SERAC1: variants seen among roughly 807,000 people sequenced by gnomAD.
SERAC1 encodes serine active site containing 1.
A neutral mutation model predicts 85.7 loss-of-function variants in SERAC1; 36 were observed. The observed-to-expected ratio is 0.42, with a 90% CI of 0.32 to 0.55. The LOEUF is 0.55. Among genes scored for constraint, SERAC1 ranks in the 20% least tolerant of loss-of-function variants. The pLI is 0.11. For synonymous variants in SERAC1, 242 were observed against 265.3 expected (o/e 0.91, Z 0.85); for missense variants, 629 against 796.2 (o/e 0.79, Z 2.53).
intron 8 of SERAC1, among the ~76,000 whole-genome samples, chr6:158,131,330 T>C (rs1226106493): frequency 2.7e-5 from 4 of 147,510 alleles, no homozygotes; most frequent in South Asian, 2.1e-4. Flanking sequence ...TTGTATAGTA[T>C]ATATTTACAT....
At position 158,120,992 on chromosome 6, in the gene SERAC1, T is replaced by C. The variant is rs1784406413; in HGVS notation, c.1016-417A>G. 6.6e-6 allele frequency among the ~76,000 whole-genome samples: 1 copy of C among 152,192 alleles called. No homozygotes were observed. The highest frequency in any genetic ancestry group is 1.5e-5 in the Non-Finnish European group (1 of 68,030). On this transcript the variant is annotated intron_variant, in intron 10 of 16. Transcript: ENST00000647468. The surrounding 1 kb of genome is among the most constrained non-coding windows in gnomAD (Gnocchi z 4.4). The stretch of plus-strand genomic sequence containing the variant: ...ACCAGCAATCAGTAATACCCTTTCA[T>C]ACAAATGAAGAAACTATTTCTTAAC...
chr6:158,129,531 G>GCACTAAAAC (rs1170838684), intron 9 of SERAC1, among the ~76,000 whole-genome samples: 1 of 152,136 alleles, frequency 6.6e-6, no homozygotes, highest in African/African-American at 2.4e-5. Flanking sequence ...TTTCCTGGGT[G>GCACTAAAAC]ATGTTTCTGC....
At chr6:158,164,693 G>T (rs966916207) in intron 1 of SERAC1, among the ~76,000 whole-genome samples, 2 of 152,112 alleles carry the variant, frequency 1.3e-5, no homozygotes, top group African/African-American at 4.8e-5. Flanking sequence ...CCCTGGTGGA[G>T]GAAGCCAGAG....
At chr6:158,166,519 G>T (rs4710002) in intron 1 of SERAC1, among the ~76,000 whole-genome samples, 48,367 of 151,868 alleles carry the variant, frequency 0.32, 8,078 homozygotes, top group Admixed American at 0.45. Context: ...GTTCAGCATG[G>T]CAAATTCCAT....
At position 158,168,152 on chromosome 6, in the gene SERAC1, G is replaced by T. The variant is rs552925418; in HGVS notation, c.-14C>A. On this transcript the variant is annotated 5_prime_UTR_variant, in exon 1 of 17. Coordinates refer to ENST00000647468, the MANE Select transcript of SERAC1 (RefSeq NM_032861.4). ...CTTCACGTCCTACCTGCCGGCAGGC[G>T]GACTCAGCCCGTGCCCAACTGCTCG... The T allele has an allele frequency of 1.3e-5, 2 of 151,990 alleles. No individual in the cohort carries two copies. The highest frequency in any genetic ancestry group is 2.9e-5 in the Non-Finnish European group (2 of 68,044). The allele number at this position is 151,990 out of a possible 1,614,324, so 9.4% of individuals were successfully genotyped here.
At chr6:158,154,132 C>A (rs1785269547) in intron 3 of SERAC1, among the ~76,000 whole-genome samples, 1 of 132,140 alleles carries the variant, frequency 7.6e-6, no homozygotes, top group African/African-American at 2.8e-5. Context: ...TGCACTCTAG[C>A]CTGGGTGACA....
Position 158,146,398 on chromosome 6 carries a change from C to CTTTTTTTTTTT in SERAC1, c.487+373_487+383dup, listed in dbSNP as rs1007942638. The CTTTTTTTTTTT allele has an allele frequency of 1.9e-4, 13 of 66,828 alleles. 2 individuals carry two copies. The highest frequency in any genetic ancestry group is 9.4e-4 in the African/African-American group (13 of 13,816). The allele number at this position is 66,828 out of a possible 1,614,324, so 4.1% of individuals were successfully genotyped here. A position where few individuals can be genotyped will look rare whatever the true frequency, so the allele number is the denominator to read the frequency against. On this transcript the variant is annotated intron_variant, in intron 6 of 16. Transcript: ENST00000647468. ...CTGAATCTCACTCCCACTCCCTTGT[C>CTTTTTTTTTTT]TTTTTTTTTTTTTTTTTTTTTTTTT... is the stretch of plus-strand genomic sequence containing the variant.
intron 6 of SERAC1, chr6:158,146,510 G>A (rs553400599): frequency 1.3e-4 from 30 of 233,812 alleles, no homozygotes; most frequent in Middle Eastern, 1.6e-3. Context: ...CTGGGTTCAC[G>A]CCATTCTCCT....
Position 158,114,976 on chromosome 6 carries a change from C to A in SERAC1, c.1502-5G>T, listed in dbSNP as rs749715051. On this transcript the variant is annotated splice_polypyrimidine_tract_variant and splice_region_variant and intron_variant, in intron 14 of 16. Coordinates refer to ENST00000647468, the MANE Select transcript of SERAC1 (RefSeq NM_032861.4). The stretch of plus-strand genomic sequence containing the variant: ...GCATCTTTTTGACAAGAAGACCTAG[C>A]CACAGACAAGGGAAAAAAACAATGC... 2 of 1,603,846 alleles carry A rather than the reference C, an allele frequency of 1.2e-6. No homozygotes were observed. Among genetic ancestry groups the A allele is most frequent in the Non-Finnish European group, 1.7e-6 (2 of 1,176,078 alleles).
At position 158,148,590 on chromosome 6, in the gene SERAC1, C is replaced by T. The variant is rs199779212; in HGVS notation, c.355+275G>A. 6.2e-4 allele frequency among the ~76,000 whole-genome samples: 94 copies of T among 151,888 alleles called. No homozygotes were observed. The Middle Eastern group carries it at 0.014, about 22-fold the overall frequency. Reference sequence around the variant, plus strand: ...TCCGAGTAGCTGGGATTACAGGCACCCACCACCACACCTGGCTAATTTTTG... The same window carrying T: ...TCCGAGTAGCTGGGATTACAGGCACTCACCACCACACCTGGCTAATTTTTG... On this transcript the variant is annotated intron_variant, in intron 5 of 16. Transcript: ENST00000647468.
intron 9 of SERAC1, among the ~76,000 whole-genome samples, chr6:158,129,935 ACCCACCCGC>A (rs1344716439): frequency 6.6e-6 from 1 of 152,026 alleles, no homozygotes; most frequent in African/African-American, 2.4e-5. Flanking sequence ...ACCTCAGGTG[ACCCACCCGC>A]CTCAGCCTCC....
intron 1 of SERAC1, among the ~76,000 whole-genome samples, chr6:158,165,649 AT>A (rs1475479236): frequency 1.3e-5 from 2 of 152,122 alleles, no homozygotes; most frequent in East Asian, 3.9e-4. Context: ...ATCACTATCC[AT>A]CAAATGGTCA....
chr6:158,111,559 CAAT>C, intron 16 of SERAC1, 57 bp from the exon 17 acceptor site: 1 of 1,418,016 alleles, frequency 7.1e-7, no homozygotes, highest in East Asian at 2.4e-5. Context: ...TTCCCCTTGA[CAAT>C]ACTGAAAGAG....
In SERAC1 at chr6:158,113,506, G is replaced by A; in HGVS notation, c.1771C>T (p.Leu591=). The part of the protein sequence containing the change: ...NFQVLNFVET[L]PTYIGSMIKL... ...ATCATGCTGCCAATGTAGGTTGGTA[G>A]TGTTTCCACAAAATTCAGCACCTGG... The change falls in exon 16 of 17, where the codon CTA becomes TTA. Residue 591 remains leucine, a synonymous_variant. Transcript: ENST00000647468. 2 of 1,614,056 alleles carry A rather than the reference G, an allele frequency of 1.2e-6. No individual in the cohort carries two copies. The highest frequency in any genetic ancestry group is 1.1e-5 in the South Asian group (1 of 91,084).
intron 1 of SERAC1, chr6:158,162,147 C>T (rs1335488820): frequency 6.6e-6 from 1 of 152,184 alleles, no homozygotes; most frequent in African/African-American, 2.4e-5. Flanking sequence ...TGTCTTCTTA[C>T]CATTCCTGAT....
intron 10 of SERAC1, among the ~76,000 whole-genome samples, chr6:158,122,239 C>T (rs1181982694): frequency 2.0e-5 from 3 of 152,170 alleles, no homozygotes; most frequent in Admixed American, 6.5e-5. Context: ...GTATACTTTG[C>T]GATGTTTGCA....
intron 1 of SERAC1, chr6:158,161,625 A>G (rs1785490095): frequency 6.6e-6 from 1 of 151,688 alleles, no homozygotes; most frequent in Non-Finnish European, 1.5e-5. Flanking sequence ...TTGTATTAGT[A>G]ATTTTTTTTT....
Position 158,110,383 on chromosome 6 carries a change from C to G in SERAC1, c.*983G>C, listed in dbSNP as rs1486363879. 4 of 152,000 alleles carry G rather than the reference C, an allele frequency of 2.6e-5. No homozygotes were observed. Among genetic ancestry groups the G allele is most frequent in the African/African-American group, 4.8e-5 (2 of 41,338 alleles). 9.4% of individuals were successfully genotyped at this position (152,000 alleles called of 1,614,324 possible). On this transcript the variant is annotated 3_prime_UTR_variant, in exon 17 of 17. Transcript: ENST00000647468. ...CTTGGGCAACAGAGTCAGACCCTGT[C>G]TCTAAACAAACAAAACAAAACAAAA...
chr6:158,115,386 G>A (rs1222398543), intron 14 of SERAC1, among the ~76,000 whole-genome samples: 1 of 152,202 alleles, frequency 6.6e-6, no homozygotes, highest in Non-Finnish European at 1.5e-5. Context: ...AGTCCCCCAT[G>A]GAGAACACAG....
Sources: gnomAD v4.1 joint callset for allele counts (sites outside exome capture counted in the v4.1 genomes callset) on GRCh38, gnomAD v4.1.1 for gene constraint, Gnocchi (gnomAD v3.1) non-coding constraint, MANE v1.5 for transcripts, NCBI Gene and HGNC (gene_info 2026-07-23, HGNC 2026-07-21) for gene names.